Variants in CHD6 observed in about 807,000 individuals in gnomAD.
CHD6 encodes chromodomain helicase DNA binding protein 6.
Under a neutral mutation model 276.9 loss-of-function variants are expected in CHD6, and 50 were observed. That is an observed-to-expected ratio of 0.18 (90% confidence interval 0.14 to 0.23). The LOEUF is 0.23. Among genes scored for constraint, CHD6 ranks in the 10% least tolerant of loss-of-function variants. CHD6 has a pLI of 1.00. For missense variants in CHD6, 2,564 were observed against 3,365.8 expected, an observed-to-expected ratio of 0.76 and a Z score of 5.89; for synonymous variants, 1,173 against 1,229.3, an observed-to-expected ratio of 0.95 and a Z score of 0.96.
rs748974589 is a variant in CHD6 at position 41,452,874 on chromosome 20, G to A, written c.3189C>T (p.Asp1063=). 2.4e-5 allele frequency: 38 copies of A among 1,613,408 alleles called. No homozygotes were observed. Among genetic ancestry groups the A allele is most frequent in the Admixed American group, 3.3e-5 (2 of 59,884 alleles). The change falls in exon 21 of 37, where the codon GAC becomes GAT. Residue 1063 remains aspartate, a synonymous_variant. Coordinates refer to ENST00000373233, the MANE Select transcript of CHD6 (RefSeq NM_032221.5). This position sits in a 1 kb window ranked among gnomAD's most constrained non-coding sequence, Gnocchi z 4.2. ...CTAACTCTGAAAACTCCATGAGCTC[G>A]TCTTCCTCAAACGAGTTGTAGTGTT... ...QTKHYNSFEE[D]ELMEFSELDS...
chr20:41,613,536 G>T (rs971709719), intron 1 of CHD6, among the ~76,000 whole-genome samples: 2 of 152,178 alleles, frequency 1.3e-5, no homozygotes, highest in Non-Finnish European at 2.9e-5. Flanking sequence ...AGAATTTGGG[G>T]GATAACCCCA....
intron 1 of CHD6, among the ~76,000 whole-genome samples, chr20:41,589,474 A>G (rs1047191259): frequency 3.9e-5 from 6 of 152,192 alleles, no homozygotes; most frequent in Admixed American, 2.6e-4. Context: ...AAACCCCATC[A>G]TCTCAGTCCA....
At chr20:41,584,515 C>T (rs2045572705) in intron 1 of CHD6, among the ~76,000 whole-genome samples, 1 of 152,096 alleles carries the variant, frequency 6.6e-6, no homozygotes, top group Admixed American at 6.5e-5. Flanking sequence ...CCTACAAGAG[C>T]AGAATATACA....
intron 16 of CHD6, among the ~76,000 whole-genome samples, chr20:41,478,292 A>T (rs1396318723): frequency 6.6e-6 from 1 of 152,176 alleles, no homozygotes; most frequent in Non-Finnish European, 1.5e-5. Flanking sequence ...TGCTTCTGGT[A>T]AGGAGGAGCA....
intron 22 of CHD6, among the ~76,000 whole-genome samples, chr20:41,451,582 TAGTGGGC>T (rs990335375): frequency 3.9e-5 from 6 of 152,292 alleles, no homozygotes; most frequent in Non-Finnish European, 5.9e-5. Context: ...AGACTCAGGT[TAGTGGGC>T]AGGACCAGAT....
At chr20:41,521,696 C>T (rs1398498232) in intron 3 of CHD6, among the ~76,000 whole-genome samples, 1 of 152,152 alleles carries the variant, frequency 6.6e-6, no homozygotes, top group Non-Finnish European at 1.5e-5. Flanking sequence ...ACACTCAGAT[C>T]TTGGTGTTTA....
At chr20:41,443,635 C>CT (rs1431715659) in intron 25 of CHD6, among the ~76,000 whole-genome samples, 3 of 152,172 alleles carry the variant, frequency 2.0e-5, no homozygotes, top group Non-Finnish European at 4.4e-5. Flanking sequence ...ACTCTGTCCT[C>CT]TAAGTCTCAT....
At chr20:41,581,442 C>T (rs8115374) in intron 1 of CHD6, among the ~76,000 whole-genome samples, 8,144 of 152,098 alleles carry the variant, frequency 0.054, 748 homozygotes, top group African/African-American at 0.19. Flanking sequence ...TCTGGGATGC[C>T]GAGGTAGGCG....
intron 1 of CHD6, among the ~76,000 whole-genome samples, chr20:41,598,736 T>C (rs1282132133): frequency 6.6e-6 from 1 of 152,154 alleles, no homozygotes; most frequent in Non-Finnish European, 1.5e-5. Flanking sequence ...CTTGGAAATC[T>C]AGCAAGATGA....
In CHD6 at chr20:41,423,509, G is replaced by C. The variant is rs764114983; in HGVS notation, c.4538C>G (p.Pro1513Arg). ...VAMCRNVCRL[P>R]TWKDGGPPDT... is the part of the protein sequence containing the mutation. ...TTTCTCACCGCCATCTTTCCATGTG[G>C]GTAGACGACAGACATTCCGGCACAT... Residue 1513 changes from proline (P) to arginine (R), a missense_variant, in exon 30 of 37, where the codon CCC (proline) becomes CGC (arginine). Physicochemically the swap from Pro to Arg is moderately radical, Grantham distance 103. Coordinates refer to ENST00000373233, the MANE Select transcript of CHD6 (RefSeq NM_032221.5). 6.2e-7 allele frequency: 1 copy of C among 1,614,030 alleles called. No homozygotes were observed. Among genetic ancestry groups the C allele is most frequent in the Non-Finnish European group, 8.5e-7 (1 of 1,179,894 alleles).
rs377657539 is a variant in CHD6 at position 41,444,890 on chromosome 20, T to C, written c.3877+775A>G. On this transcript the variant is annotated intron_variant, in intron 25 of 36. Coordinates refer to ENST00000373233, the MANE Select transcript of CHD6 (RefSeq NM_032221.5). ...ACATTTTAGTAAGTAGTGGAGTTGA[T>C]AGCTAAAGCCAGGTATACCTAACTC... Among the ~76,000 whole-genome samples, 42 of 152,376 alleles carry C rather than the reference T, an allele frequency of 2.8e-4. 1 individual carries two copies. The South Asian group carries it at 8.7e-3, about 32-fold the overall frequency.
chr20:41,521,221 A>C (rs547399594), intron 3 of CHD6, among the ~76,000 whole-genome samples: 2 of 152,212 alleles, frequency 1.3e-5, no homozygotes, highest in African/African-American at 4.8e-5. Flanking sequence ...CCTCACAGAG[A>C]ATAAAACCCC....
Position 41,610,732 on chromosome 20 carries a change from T to C in CHD6, c.-24+7608A>G, listed in dbSNP as rs548853684. 1.5e-4 allele frequency among the ~76,000 whole-genome samples: 23 copies of C among 151,812 alleles called. No homozygotes were observed. In the South Asian group the frequency reaches 4.8e-3, roughly 32 times the overall value. On this transcript the variant is annotated intron_variant, in intron 1 of 36. Coordinates refer to ENST00000373233, the MANE Select transcript of CHD6 (RefSeq NM_032221.5). ...GAGATCGCGCCACTGCACTCCAGCC[T>C]GGGTGACAGAGTGAGACTCCGTCTC...
chr20:41,513,068 C>G, intron 4 of CHD6, 73 bp from the exon 5 acceptor site: 1 of 1,495,696 alleles, frequency 6.7e-7, no homozygotes, highest in South Asian at 1.2e-5. Context: ...ATACCCTCAT[C>G]TACATTTACT....
intron 17 of CHD6, among the ~76,000 whole-genome samples, chr20:41,470,875 T>C (rs185391395): frequency 9.2e-5 from 14 of 152,362 alleles, no homozygotes; most frequent in African/African-American, 3.4e-4. Context: ...CATGAGCTGT[T>C]GCCAGCCCCA....
At chr20:41,517,290 T>C (rs2044275447) in intron 3 of CHD6, among the ~76,000 whole-genome samples, 1 of 152,040 alleles carries the variant, frequency 6.6e-6, no homozygotes, top group Non-Finnish European at 1.5e-5. Context: ...GGGTGGAGGA[T>C]GGGAGCAGGT....
chr20:41,421,185 G>A lies in CHD6; in HGVS notation c.5450C>T (p.Pro1817Leu). 1.2e-6 allele frequency: 2 copies of A among 1,613,002 alleles called. No homozygotes were observed. Among genetic ancestry groups the A allele is most frequent in the Non-Finnish European group, 1.7e-6 (2 of 1,179,502 alleles). ...AKCLASPSLN[P>L]GNESGFVDMC... The stretch of plus-strand genomic sequence containing the variant: ...ATCTACAAACCCACTTTCATTTCCT[G>A]GATTCAAGGAAGGGGAAGCTAAACA... The change falls in exon 31 of 37, where the codon CCA (proline) becomes CTA (leucine). Residue 1817 changes from proline (P) to leucine (L), a missense_variant. Transcript: ENST00000373233.
rs138625069 is a variant in CHD6, at chr20:41,533,140, C to T, written c.464G>A (p.Arg155Gln). 9.4e-5 allele frequency: 152 copies of T among 1,614,206 alleles called. 1 individual carries two copies. The South Asian group carries it at 1.3e-3, about 14-fold the overall frequency. The change falls in exon 3 of 37, where the codon CGG (arginine) becomes CAG (glutamine). Residue 155 changes from arginine to glutamine, a missense_variant. Coordinates refer to ENST00000373233, the MANE Select transcript of CHD6 (RefSeq NM_032221.5). Reference sequence around the variant, plus strand: ...GGTGCCCGAGGCCTCCCGGGGCTTCCGTGCCTTCTTTGCCCCATCTTTTTG... The same window carrying T: ...GGTGCCCGAGGCCTCCCGGGGCTTCTGTGCCTTCTTTGCCCCATCTTTTTG... ...PKQKDGAKKA[R>Q]KPREASGTKE...
intron 3 of CHD6, among the ~76,000 whole-genome samples, chr20:41,522,330 A>G (rs2044419934): frequency 6.6e-6 from 1 of 152,132 alleles, no homozygotes; most frequent in Admixed American, 6.5e-5. Flanking sequence ...TGGGTGACAG[A>G]GCAAGACCCT....
Sources: allele counts gnomAD v4.1 joint callset (sites outside exome capture counted in the v4.1 genomes callset), GRCh38; gene constraint gnomAD v4.1.1; non-coding constraint Gnocchi (gnomAD v3.1); transcripts MANE v1.5; gene names NCBI Gene and HGNC (gene_info 2026-07-23, HGNC 2026-07-21).